Variants in GPR180 observed in about 807,000 individuals in gnomAD.
GPR180 encodes G protein-coupled receptor 180, also known as integral membrane protein GPR180.
A neutral mutation model predicts 52.6 loss-of-function variants in GPR180; 53 were observed. The observed-to-expected ratio is 1.01, with a 90% confidence interval of 0.81 to 1.27. GPR180 has a LOEUF of 1.27. Ranked by LOEUF, GPR180 falls within the 50% of genes most tolerant of loss-of-function variation. The pLI is 0.00. For missense variants in GPR180, 533 were observed against 527.0 expected (o/e 1.01, Z -0.11); for synonymous variants, 200 against 193.1 (o/e 1.04, Z -0.30).
chr13:94,625,826 C>G, intron 7 of GPR180, 140 bp from the exon 8 acceptor site: 1 of 441,714 alleles, frequency 2.3e-6, no homozygotes, highest in South Asian at 5.6e-5. Context: ...AAATTTATTT[C>G]TACATTTTAT....
Position 94,619,233 on chromosome 13 carries a change from A to G in GPR180, c.589A>G (p.Lys197Glu), listed in dbSNP as rs1889820561. The G allele has an allele frequency of 1.2e-6, 2 of 1,614,138 alleles. No homozygotes were observed. Among genetic ancestry groups the G allele is most frequent in the Non-Finnish European group, 1.7e-6 (2 of 1,179,996 alleles). ...TGCTCAATCATTGTGGCAGGCTATT[A>G]AGAAAGGCGGACCCATGCACATGAT... ...IYAQSLWQAI[K>E]KGGPMHMILK... is the part of the protein sequence containing the mutation. The change falls in exon 4 of 9, where the codon AAG (lysine) becomes GAG (glutamate). Residue 197 changes from lysine (K) to glutamate (E), a missense_variant. By Grantham distance (56) the Lys-to-Glu change is moderately conservative. Coordinates refer to ENST00000376958, the MANE Select transcript of GPR180 (RefSeq NM_180989.6).
Position 94,619,300 on chromosome 13 carries a change from C to A in GPR180, c.656C>A (p.Ser219Ter). 1 of 1,614,050 alleles carries A rather than the reference C, an allele frequency of 6.2e-7. No homozygotes were observed. Among genetic ancestry groups the A allele is most frequent in the South Asian group, 1.1e-5 (1 of 91,054 alleles). Reference sequence around the variant, plus strand: ...ACTGCATTGCTGTTACAAGCTGGTTCAGCTTTAGCTAATTACATTCATTTC... The same window carrying A: ...ACTGCATTGCTGTTACAAGCTGGTTAAGCTTTAGCTAATTACATTCATTTC... ...LTTALLLQAG[S>*]ALANYIHFSS... The change falls in exon 4 of 9, where the codon TCA becomes TAA. Residue 219 changes from serine to a stop codon, truncating the protein, a stop_gained. Transcript: ENST00000376958. LOFTEE classifies it high-confidence loss of function.
At chr13:94,624,340 G>C (rs769150075) in intron 7 of GPR180, among the ~76,000 whole-genome samples, 1 of 152,116 alleles carries the variant, frequency 6.6e-6, no homozygotes, top group African/African-American at 2.4e-5. Context: ...TTATTCTGAG[G>C]CAGCTATGGA....
chr13:94,601,948 G>C lies in GPR180; in HGVS notation c.21G>C (p.Leu7=). The part of the protein sequence containing the change: MGGLRL[L]AVALTCCWWP... ...CGGGCATGGGGGGGCTGCGGCTGCT[G>C]GCTGTGGCCCTCACGTGCTGCTGGT... The change falls in exon 1 of 9, where the codon CTG becomes CTC. Residue 7 remains leucine (L), a synonymous_variant. Coordinates refer to ENST00000376958, the MANE Select transcript of GPR180 (RefSeq NM_180989.6). 1 of 1,498,456 alleles carries C rather than the reference G, an allele frequency of 6.7e-7. No homozygotes were observed. The allele number at this position is 1,498,456 out of a possible 1,614,324, so 92.8% of individuals were successfully genotyped here.
chr13:94,603,565 A>G (rs552562898), intron 1 of GPR180, among the ~76,000 whole-genome samples: 97 of 152,350 alleles, frequency 6.4e-4, no homozygotes, highest in African/African-American at 2.2e-3. Flanking sequence ...TACTGAAACA[A>G]TGAACTGTAA....
Position 94,626,945 on chromosome 13 carries a change from A to G in GPR180, c.1165-68A>G, listed in dbSNP as rs1470358403. Reference sequence around the variant, plus strand: ...TTATATAAAAAGCATATATAGATTCATAATAAATTGAATATTATTTCTCTA... The same window carrying G: ...TTATATAAAAAGCATATATAGATTCGTAATAAATTGAATATTATTTCTCTA... On this transcript the variant is annotated intron_variant, in intron 8 of 8. Coordinates refer to ENST00000376958, the MANE Select transcript of GPR180 (RefSeq NM_180989.6). 9 of 1,156,706 alleles carry G rather than the reference A, an allele frequency of 7.8e-6. No homozygotes were observed. In the South Asian group the frequency reaches 1.1e-4, roughly 14 times the overall value. The allele number at this position is 1,156,706 out of a possible 1,614,324, so 71.7% of individuals were successfully genotyped here. A position where few individuals can be genotyped will look rare whatever the true frequency, so the allele number is the denominator to read the frequency against.
chr13:94,617,009 T>C (rs1483666842), intron 3 of GPR180, among the ~76,000 whole-genome samples: 1 of 152,196 alleles, frequency 6.6e-6, no homozygotes, highest in Non-Finnish European at 1.5e-5. Flanking sequence ...GAAATAATTT[T>C]TGTGTTCGTT....
chr13:94,609,359 C>T lies in GPR180; in HGVS notation c.305-2831C>T, dbSNP rs1889673370. 1.3e-5 allele frequency among the ~76,000 whole-genome samples: 2 copies of T among 152,110 alleles called. 1 individual carries two copies. Among genetic ancestry groups the T allele is most frequent in the South Asian group, 4.1e-4 (2 of 4,828 alleles). ...GTGTTGTAGTCTTTTGTCTCAGAAA[C>T]AATGAACACACAGTTTTGTCAAGAG... On this transcript the variant is annotated intron_variant, in intron 2 of 8. Coordinates refer to ENST00000376958, the MANE Select transcript of GPR180 (RefSeq NM_180989.6).
At chr13:94,607,149 C>T (rs895471202) in intron 2 of GPR180, among the ~76,000 whole-genome samples, 1 of 151,554 alleles carries the variant, frequency 6.6e-6, no homozygotes, top group African/African-American at 2.4e-5. Context: ...CCTCTTTGAC[C>T]TTTCTACCCC....
At chr13:94,621,896 GAAA>G (rs1439471220) in intron 6 of GPR180, among the ~76,000 whole-genome samples, 1 of 151,796 alleles carries the variant, frequency 6.6e-6, no homozygotes, top group Non-Finnish European at 1.5e-5. Context: ...AGGTTATAAA[GAAA>G]AAAATTTGTA....
intron 5 of GPR180, 35 bp from the exon 6 acceptor site, chr13:94,621,043 A>G: frequency 1.3e-6 from 2 of 1,566,350 alleles, no homozygotes; most frequent in Non-Finnish European, 1.7e-6. Flanking sequence ...TATATTGTGA[A>G]AACTTGGTTG....
At chr13:94,608,208 G>A (rs752695877) in intron 2 of GPR180, among the ~76,000 whole-genome samples, 1 of 152,120 alleles carries the variant, frequency 6.6e-6, no homozygotes, top group Non-Finnish European at 1.5e-5. Flanking sequence ...ACAAGAACTC[G>A]TTATCTTTGA....
intron 2 of GPR180, among the ~76,000 whole-genome samples, chr13:94,609,929 T>G (rs978362782): frequency 9.2e-5 from 14 of 152,208 alleles, no homozygotes; most frequent in Admixed American, 3.3e-4. Flanking sequence ...ATCTCATTCC[T>G]AAAGACAACC....
chr13:94,624,675 A>G (rs1186646962), intron 7 of GPR180, among the ~76,000 whole-genome samples: 1 of 152,010 alleles, frequency 6.6e-6, no homozygotes, highest in African/African-American at 2.4e-5. Context: ...CTCCTGCCTC[A>G]GCCTCCCGAG....
intron 2 of GPR180, among the ~76,000 whole-genome samples, chr13:94,610,113 T>C (rs1385532637): frequency 1.3e-5 from 2 of 152,166 alleles, no homozygotes; most frequent in Non-Finnish European, 2.9e-5. Context: ...AATTGAACCA[T>C]GTGAAAATAA....
chr13:94,610,004 A>T (rs1471321983), intron 2 of GPR180, among the ~76,000 whole-genome samples: 1 of 152,234 alleles, frequency 6.6e-6, no homozygotes, highest in East Asian at 1.9e-4. Flanking sequence ...GGTTGAAATT[A>T]TAGTACAACC....
intron 7 of GPR180, among the ~76,000 whole-genome samples, chr13:94,623,867 AAT>A (rs1417095972): frequency 6.6e-6 from 1 of 152,178 alleles, no homozygotes; most frequent in Non-Finnish European, 1.5e-5. Flanking sequence ...TAGTTTCATC[AAT>A]AGGGATTTTA....
chr13:94,604,163 G>T (rs749281829), intron 1 of GPR180, among the ~76,000 whole-genome samples: 1 of 151,912 alleles, frequency 6.6e-6, no homozygotes, highest in South Asian at 2.1e-4. Context: ...GTGAAACCCC[G>T]TCTCTATAAA....
intron 2 of GPR180, among the ~76,000 whole-genome samples, chr13:94,607,813 G>T (rs1889654530): frequency 6.6e-6 from 1 of 152,130 alleles, no homozygotes; most frequent in Non-Finnish European, 1.5e-5. Flanking sequence ...TACTATGAAT[G>T]CTAATTATAT....
Sources: allele counts gnomAD v4.1 joint callset (sites outside exome capture counted in the v4.1 genomes callset), GRCh38; gene constraint gnomAD v4.1.1; transcripts MANE v1.5; gene names NCBI Gene and HGNC (gene_info 2026-07-23, HGNC 2026-07-21).